KLHDC10: variants seen among roughly 807,000 people sequenced by gnomAD.
The protein encoded by KLHDC10 is kelch domain-containing protein 10.
A neutral mutation model predicts 56.1 loss-of-function variants in KLHDC10; 24 were observed. The ratio of observed to expected loss-of-function variants is 0.43; its 90% CI spans 0.31 to 0.60. KLHDC10 has a LOEUF of 0.60. KLHDC10 is among the 20% of genes least tolerant of loss of function. The pLI is 0.11. For missense variants in KLHDC10, 349 were observed against 567.0 expected (o/e 0.62, Z 3.91); for synonymous variants, 188 against 207.1 (o/e 0.91, Z 0.79).
At chr7:130,075,009 C>T (rs1188933987) in intron 1 of KLHDC10, among the ~76,000 whole-genome samples, 1 of 152,166 alleles carries the variant, frequency 6.6e-6, no homozygotes, top group African/African-American at 2.4e-5. Context: ...ACTTGCCTTT[C>T]TCCTGTTTTC....
At chr7:130,084,457 GAAGGAGAGAGAAGA>G (rs1008137228) in intron 1 of KLHDC10, among the ~76,000 whole-genome samples, 4 of 152,142 alleles carry the variant, frequency 2.6e-5, no homozygotes, top group African/African-American at 4.8e-5. Context: ...TATGAGGTGT[GAAGGAGAGAGAAGA>G]ATCAAGATGA....
intron 2 of KLHDC10, among the ~76,000 whole-genome samples, chr7:130,107,127 A>G (rs1796018436): frequency 6.6e-6 from 1 of 152,232 alleles, no homozygotes; most frequent in African/African-American, 2.4e-5. Flanking sequence ...TAAGAAACCA[A>G]TAGCAAACAT....
At chr7:130,103,418 CAA>C (rs57094210) in intron 2 of KLHDC10, among the ~76,000 whole-genome samples, 23 of 92,684 alleles carry the variant, frequency 2.5e-4, no homozygotes, top group African/African-American at 2.5e-4. Context: ...GAGCAAGACT[CAA>C]AAAAAAAAAA....
chr7:130,090,449 G>A (rs1795755162), intron 1 of KLHDC10, among the ~76,000 whole-genome samples: 1 of 151,982 alleles, frequency 6.6e-6, no homozygotes, highest in Non-Finnish European at 1.5e-5. Context: ...TTAGGCAGGT[G>A]TGGTGGCACA....
At chr7:130,085,116 C>G (rs568095679) in intron 1 of KLHDC10, among the ~76,000 whole-genome samples, 31 of 150,026 alleles carry the variant, frequency 2.1e-4, no homozygotes, top group Non-Finnish European at 3.4e-4. Flanking sequence ...GAGGCCGAGA[C>G]GAGGTTGGGA....
At chr7:130,099,188 C>T (rs1424739085) in intron 2 of KLHDC10, among the ~76,000 whole-genome samples, 1 of 152,158 alleles carries the variant, frequency 6.6e-6, no homozygotes, top group Non-Finnish European at 1.5e-5. Flanking sequence ...TAGCTTCTTT[C>T]TTCCTGCTCC....
chr7:130,107,843 C>CAAAAAAAAAAAA (rs3043725), intron 2 of KLHDC10, among the ~76,000 whole-genome samples: 3 of 26,028 alleles, frequency 1.2e-4, no homozygotes, highest in African/African-American at 2.3e-4. Flanking sequence ...GACTCCGTCT[C>CAAAAAAAAAAAA]AAAAAAAAAA....
chr7:130,110,922 GTGA>G (rs1427828529), intron 2 of KLHDC10, among the ~76,000 whole-genome samples: 1 of 152,010 alleles, frequency 6.6e-6, no homozygotes, highest in Non-Finnish European at 1.5e-5. Flanking sequence ...TTAAGCTTCT[GTGA>G]TGTTCTTTTA....
At chr7:130,100,055 A>G (rs1489794735) in intron 2 of KLHDC10, among the ~76,000 whole-genome samples, 1 of 151,832 alleles carries the variant, frequency 6.6e-6, no homozygotes, top group East Asian at 1.9e-4. Flanking sequence ...ACAGTGAGCT[A>G]TAATCATGCC....
intron 2 of KLHDC10, among the ~76,000 whole-genome samples, chr7:130,110,329 A>G (rs1156728509): frequency 6.6e-6 from 1 of 152,246 alleles, no homozygotes; most frequent in Non-Finnish European, 1.5e-5. Context: ...GTAAATGGAG[A>G]AAAATAACTA....
intron 2 of KLHDC10, among the ~76,000 whole-genome samples, chr7:130,107,626 G>A (rs976537339): frequency 6.6e-6 from 1 of 151,564 alleles, no homozygotes; most frequent in Non-Finnish European, 1.5e-5. Context: ...GGCGGTTCAC[G>A]TGGGGTCAAG....
In KLHDC10 at chr7:130,122,188, T is replaced by C. The variant is rs1796256250; in HGVS notation, c.765T>C (p.Asp255=). The C allele has an allele frequency of 1.2e-6, 2 of 1,613,846 alleles. No homozygotes were observed. Among genetic ancestry groups the C allele is most frequent in the Non-Finnish European group, 1.7e-6 (2 of 1,179,890 alleles). Residue 255 remains aspartate, a synonymous_variant, in exon 5 of 10, where the codon GAT becomes GAC. Coordinates refer to ENST00000335420, the MANE Select transcript of KLHDC10 (RefSeq NM_014997.4). ...TGAAACCAAACAACCTATCCTGTGA[T>C]CTACCAGAAGAGAGGTGAGGTTCTA... The part of the protein sequence containing the change: ...TQLKPNNLSC[D]LPEERYRHEI...
intron 1 of KLHDC10, among the ~76,000 whole-genome samples, chr7:130,094,218 G>T (rs574267324): frequency 6.6e-6 from 1 of 152,100 alleles, no homozygotes; most frequent in African/African-American, 2.4e-5. Context: ...GAGCCACCAC[G>T]CCAGGCCCAG....
intron 1 of KLHDC10, chr7:130,094,849 A>C (rs1432655007): frequency 2.6e-5 from 4 of 152,174 alleles, no homozygotes; most frequent in Admixed American, 2.6e-4. Context: ...CATAGTTAAT[A>C]TCTTTGTCCA....
In KLHDC10 at chr7:130,116,124, T is replaced by C. The variant is rs72607767; in HGVS notation, c.254-321T>C. 0.16 allele frequency among the ~76,000 whole-genome samples: 24,430 copies of C among 152,192 alleles called. 2,338 individuals are homozygous for C. The highest frequency in any genetic ancestry group is 0.31 in the East Asian group (1,603 of 5,184). On this transcript the variant is annotated intron_variant, in intron 2 of 9. Transcript: ENST00000335420. This position sits in a 1 kb window ranked among gnomAD's most constrained non-coding sequence, Gnocchi z 4.8. ...TCCTGTTAGCTTTTGGATTATTAAATCTTTCCTCCTTCTTTTCTTGAAAAT... is the reference window on the plus strand; with the variant it reads ...TCCTGTTAGCTTTTGGATTATTAAACCTTTCCTCCTTCTTTTCTTGAAAAT...
At chr7:130,101,109 T>A (rs1246624064) in intron 2 of KLHDC10, among the ~76,000 whole-genome samples, 1 of 152,306 alleles carries the variant, frequency 6.6e-6, no homozygotes, top group East Asian at 1.9e-4. Context: ...AAGTTGCTTA[T>A]TCTTTTTTTG....
chr7:130,107,869 AG>A (rs1796033469), intron 2 of KLHDC10, among the ~76,000 whole-genome samples: 2 of 123,200 alleles, frequency 1.6e-5, no homozygotes, highest in Non-Finnish European at 3.5e-5. Flanking sequence ...AAAAAAAAAG[AG>A]CCGGACGCGG....
intron 9 of KLHDC10, 81 bp downstream of exon 9, chr7:130,129,657 G>T (rs937397860): frequency 6.7e-6 from 9 of 1,347,468 alleles, no homozygotes; most frequent in Non-Finnish European, 7.2e-6. Flanking sequence ...AAGAAAAAAA[G>T]CCAGATATAG....
chr7:130,072,203 C>T (rs992383307), intron 1 of KLHDC10, among the ~76,000 whole-genome samples: 4 of 152,168 alleles, frequency 2.6e-5, no homozygotes, highest in African/African-American at 9.6e-5. Context: ...TTAGCAAACA[C>T]TGTCACCAGT....
Sources: allele counts gnomAD v4.1 joint callset (sites outside exome capture counted in the v4.1 genomes callset), GRCh38; gene constraint gnomAD v4.1.1; non-coding constraint Gnocchi (gnomAD v3.1); transcripts MANE v1.5; gene names NCBI Gene and HGNC (gene_info 2026-07-23, HGNC 2026-07-21).